The following MDH1B variants were observed in gnomAD, a reference collection of about 807,000 sequenced individuals.
The protein encoded by MDH1B is malate dehydrogenase 1B.
A neutral mutation model predicts 61.4 loss-of-function variants in MDH1B; 60 were observed. That is an observed-to-expected ratio of 0.98 (90% confidence interval 0.79 to 1.21). The LOEUF is 1.21. Ranked by LOEUF, MDH1B falls within the 50% of genes most tolerant of loss-of-function variation. MDH1B has a pLI of 0.00. For missense variants in MDH1B, 587 were observed against 632.1 expected, an observed-to-expected ratio of 0.93 and a Z score of 0.76; for synonymous variants, 236 against 218.7, an observed-to-expected ratio of 1.08 and a Z score of -0.70.
Position 206,746,268 on chromosome 2 carries a change from G to T in MDH1B, c.1356+19C>A, listed in dbSNP as rs1688105068. 1 of 1,605,048 alleles carries T rather than the reference G, an allele frequency of 6.2e-7. No individual in the cohort carries two copies. The highest frequency in any genetic ancestry group is 8.5e-7 in the Non-Finnish European group (1 of 1,175,576). On this transcript the variant is annotated intron_variant, in intron 8 of 11. Coordinates refer to ENST00000374412, the MANE Select transcript of MDH1B (RefSeq NM_001039845.3). ...GGTCATTATCAAGGTCAGTCCCCTT[G>T]CATCTATTCTGACATTACCTGAATT...
chr2:206,755,666 G>C (rs1205890351), intron 4 of MDH1B, among the ~76,000 whole-genome samples, 161 bp from the exon 5 acceptor site: 1 of 152,142 alleles, frequency 6.6e-6, no homozygotes, highest in African/African-American at 2.4e-5. Context: ...GAAGTCAAAA[G>C]TAGAACAAAA....
At chr2:206,746,601 T>C (rs547319739) in intron 7 of MDH1B, among the ~76,000 whole-genome samples, 175 bp from the exon 8 acceptor site, 5 of 152,352 alleles carry the variant, frequency 3.3e-5, no homozygotes, top group African/African-American at 4.8e-5. Flanking sequence ...TCTAGAAGGA[T>C]TGACTGAGCG....
Position 206,757,377 on chromosome 2 carries a change from G to C in MDH1B, c.136-6C>G. ...CACACATCTTTTAGCCAATCCTGTT[G>C]AATGATATCCCAAGTGAAGTCATAT... On this transcript the variant is annotated splice_region_variant and splice_polypyrimidine_tract_variant and intron_variant, in intron 2 of 11. Transcript: ENST00000374412. 1.2e-6 allele frequency: 2 copies of C among 1,610,474 alleles called. No homozygotes were observed. The highest frequency in any genetic ancestry group is 1.7e-6 in the Non-Finnish European group (2 of 1,179,146).
chr2:206,749,278 T>G (rs1208520045), intron 6 of MDH1B, 95 bp from the exon 7 acceptor site: 1 of 970,782 alleles, frequency 1.0e-6, no homozygotes, highest in Admixed American at 2.4e-5. Flanking sequence ...ATCAGAAACC[T>G]AATCCACAGT....
At chr2:206,742,224 T>G (rs990303598) in intron 9 of MDH1B, among the ~76,000 whole-genome samples, 1 of 152,064 alleles carries the variant, frequency 6.6e-6, no homozygotes, top group African/African-American at 2.4e-5. Flanking sequence ...AGACACAAGC[T>G]CTTATTATGT....
chr2:206,745,214 G>A (rs1688038638), intron 9 of MDH1B: 1 of 325,092 alleles, frequency 3.1e-6, no homozygotes, highest in African/African-American at 2.2e-5. Context: ...GCAACCCAAA[G>A]CTAGAAAAAG....
intron 9 of MDH1B, chr2:206,745,249 T>G (rs1187391175): frequency 2.7e-6 from 1 of 366,866 alleles, no homozygotes; most frequent in African/African-American, 2.1e-5. Context: ...TTCTCAAGCC[T>G]TCAGAGAGAG....
Position 206,755,216 on chromosome 2 carries a change from G to A in MDH1B, c.703C>T (p.Leu235Phe), listed in dbSNP as rs141930630. The A allele has an allele frequency of 3.3e-5, 53 of 1,614,070 alleles. No individual in the cohort carries two copies. Among genetic ancestry groups the A allele is most frequent in the South Asian group, 3.1e-4 (28 of 91,090 alleles). The change falls in exon 5 of 12, where the codon CTC becomes TTC. Residue 235 changes from leucine (L) to phenylalanine (F), a missense_variant. By Grantham distance (22) the Leu-to-Phe change is conservative. Coordinates refer to ENST00000374412, the MANE Select transcript of MDH1B (RefSeq NM_001039845.3). ...LEDCLRSRVP[L>F]CRLYGYLIEK... ...ATCAGGTACCCATAGAGCCTGCAGA[G>A]AGGCACCCTGCTTCGGAGGCAGTCC...
Position 206,756,914 on chromosome 2 carries a change from G to A in MDH1B, c.397C>T (p.Gln133Ter). The A allele has an allele frequency of 6.2e-7, 1 of 1,614,140 alleles. No individual in the cohort carries two copies. Among genetic ancestry groups the A allele is most frequent in the Non-Finnish European group, 8.5e-7 (1 of 1,180,008 alleles). ...CTGTCCCACCTGGTGATCCAGACCT[G>A]CAAGGGGTTGATGCAAGTTTTCAGG... ...EALKTCINPL[Q>*]VWITSASAPA... Residue 133 changes from glutamine (Q) to a stop codon, truncating the protein, a stop_gained, in exon 4 of 12, where the codon CAG becomes TAG. Transcript: ENST00000374412. LOFTEE classifies it high-confidence loss of function.
At chr2:206,745,446 C>A in intron 9 of MDH1B, 176 bp downstream of exon 9, 1 of 656,364 alleles carries the variant, frequency 1.5e-6, no homozygotes, top group Admixed American at 2.3e-5. Flanking sequence ...CTTTAACATT[C>A]TTATGAGATG....
chr2:206,750,815 T>A (rs72957695), intron 6 of MDH1B, 119 bp downstream of exon 6: 3 of 800,496 alleles, frequency 3.7e-6, no homozygotes, highest in Non-Finnish European at 5.3e-6. Flanking sequence ...TGAACAAATA[T>A]GAGTGTGAAC....
chr2:206,739,577 T>A lies in MDH1B; in HGVS notation c.1528+16A>T. The A allele has an allele frequency of 6.2e-7, 1 of 1,610,126 alleles. No individual in the cohort carries two copies. Among genetic ancestry groups the A allele is most frequent in the South Asian group, 1.1e-5 (1 of 90,922 alleles). ...AGAATAAGAAAATACTAGTTAATGT[T>A]TTGTCTACCACCTACCATTTAGGAA... is the stretch of plus-strand genomic sequence containing the variant. On this transcript the variant is annotated intron_variant, in intron 11 of 11. Transcript: ENST00000374412.
chr2:206,751,004 A>T lies in MDH1B; in HGVS notation c.982T>A (p.Tyr328Asn). 6.2e-7 allele frequency: 1 copy of T among 1,611,314 alleles called. No individual in the cohort carries two copies. Among genetic ancestry groups the T allele is most frequent in the Non-Finnish European group, 8.5e-7 (1 of 1,178,188 alleles). Residue 328 changes from tyrosine to asparagine, a missense_variant, in exon 6 of 12, where the codon TAC (tyrosine) becomes AAC (asparagine). Coordinates refer to ENST00000374412, the MANE Select transcript of MDH1B (RefSeq NM_001039845.3). Reference sequence around the variant, plus strand: ...CCCCAAATGGCACTCTCATATCTGTACACCCTTGTTTTTCTCAGATCAACG... The same window carrying T: ...CCCCAAATGGCACTCTCATATCTGTTCACCCTTGTTTTTCTCAGATCAACG... ...NYVDLRKTRVYRYESAIWGPL... is the reference protein window; with the variant it reads ...NYVDLRKTRVNRYESAIWGPL...
At chr2:206,744,587 T>C (rs1426661162) in intron 9 of MDH1B, among the ~76,000 whole-genome samples, 1 of 152,090 alleles carries the variant, frequency 6.6e-6, no homozygotes, top group East Asian at 1.9e-4. Flanking sequence ...TAAAGTTATC[T>C]AAAAATAAAT....
At position 206,746,433 on chromosome 2, in the gene MDH1B, T is replaced by C. The variant is rs371217913; in HGVS notation, c.1217-7A>G. ...TTCGGAATACCAAACTGGCCTGCAG[T>C]GAGCAAACACAAAGCAAAGCAATGC... On this transcript the variant is annotated splice_polypyrimidine_tract_variant and splice_region_variant and intron_variant, in intron 7 of 11. Transcript: ENST00000374412. 1.9e-6 allele frequency: 3 copies of C among 1,604,856 alleles called. No homozygotes were observed. The highest frequency in any genetic ancestry group is 2.5e-6 in the Non-Finnish European group (3 of 1,176,586).
intron 9 of MDH1B, among the ~76,000 whole-genome samples, chr2:206,741,627 C>T (rs1164654061): frequency 6.6e-6 from 1 of 152,212 alleles, no homozygotes; most frequent in Admixed American, 6.5e-5. Context: ...GCTCTCCTTG[C>T]TCCTCAAGCT....
At position 206,755,376 on chromosome 2, in the gene MDH1B, C is replaced by T. The variant is rs764979468; in HGVS notation, c.543G>A (p.Val181=). The part of the protein sequence containing the change: ...KQAEEHLKSL[V]VETQDLASPV... The stretch of plus-strand genomic sequence containing the variant: ...GAGATGCCAGGTCTTGGGTCTCCAC[C>T]ACAAGGCTTTTGAGATGTTCTTCCG... The change falls in exon 5 of 12, where the codon GTG becomes GTA. Residue 181 remains valine, a synonymous_variant. Transcript: ENST00000374412. The T allele has an allele frequency of 3.1e-6, 5 of 1,614,072 alleles. No homozygotes were observed. In the South Asian group the frequency reaches 4.4e-5, roughly 14 times the overall value.
At chr2:206,750,321 C>T (rs767465177) in intron 6 of MDH1B, among the ~76,000 whole-genome samples, 4 of 148,864 alleles carry the variant, frequency 2.7e-5, no homozygotes, top group Admixed American at 1.3e-4. Flanking sequence ...TAGGGAGGAC[C>T]CTTATCATGT....
At chr2:206,744,349 A>G (rs774382468) in intron 9 of MDH1B, among the ~76,000 whole-genome samples, 1 of 152,192 alleles carries the variant, frequency 6.6e-6, no homozygotes, top group Non-Finnish European at 1.5e-5. Context: ...ACTGGCTTAT[A>G]GTTGGTACTG....
Sources: gnomAD v4.1 joint callset for allele counts (sites outside exome capture counted in the v4.1 genomes callset) on GRCh38, gnomAD v4.1.1 for gene constraint, MANE v1.5 for transcripts, NCBI Gene and HGNC (gene_info 2026-07-23, HGNC 2026-07-21) for gene names.